The following JAKMIP1 variants were observed in gnomAD, a reference collection of about 807,000 sequenced individuals.
JAKMIP1 encodes the protein janus kinase and microtubule interacting protein 1, also known as janus kinase and microtubule-interacting protein 1.
In JAKMIP1, 33 loss-of-function variants were observed where a neutral mutation model predicts 113.0. That is an observed-to-expected ratio of 0.29 (90% confidence interval 0.22 to 0.39). JAKMIP1 has a LOEUF of 0.39. Ranked by LOEUF, JAKMIP1 falls within the 10% of genes least tolerant of loss-of-function variation. The pLI, the probability that JAKMIP1 is intolerant of heterozygous loss-of-function variation, is 1.00. For synonymous variants in JAKMIP1, 480 were observed against 459.9 expected (o/e 1.04, Z -0.56); for missense variants, 813 against 1,080.5 (o/e 0.75, Z 3.47).
rs142875282 is a variant in JAKMIP1 at position 6,029,323 on chromosome 4, C to T, written c.2445+393G>A. ...AGGAACATGCGACTGGTCTGGGGCT[C>T]ATAGAAGGTATTTAAAAAGTGAATG... is the stretch of plus-strand genomic sequence containing the variant. On this transcript the variant is annotated intron_variant, in intron 20 of 20. Coordinates refer to ENST00000409021, the MANE Select transcript of JAKMIP1 (RefSeq NM_001099433.2). 2.1e-3 allele frequency among the ~76,000 whole-genome samples: 316 copies of T among 152,312 alleles called. 4 individuals are homozygous for T. Among genetic ancestry groups the T allele is most frequent in the East Asian group, 0.014 (74 of 5,186 alleles).
Position 6,036,548 on chromosome 4 carries a change from C to T in JAKMIP1, c.2176-441G>A, listed in dbSNP as rs1401136722. ...TTTGCACACATTTGGTTTTCAGCTG[C>T]CTTAAGAATGCAACTCTAGCCCAAA... is the stretch of plus-strand genomic sequence containing the variant. On this transcript the variant is annotated intron_variant, in intron 18 of 20. Coordinates refer to ENST00000409021, the MANE Select transcript of JAKMIP1 (RefSeq NM_001099433.2). 2.6e-5 allele frequency among the ~76,000 whole-genome samples: 4 copies of T among 152,182 alleles called. No homozygotes were observed. The East Asian group carries it at 5.8e-4, about 22-fold the overall frequency.
rs190945249 is a variant in JAKMIP1, at chr4:6,084,417, G to A, written c.954+429C>T. Among the ~76,000 whole-genome samples, 464 of 151,812 alleles carry A rather than the reference G, an allele frequency of 3.1e-3. 2 individuals are homozygous for A. The highest frequency in any genetic ancestry group is 9.2e-3 in the African/African-American group (379 of 41,360). ...TTTTCATTTAATTTACTATGAACAC[G>A]TTTCCATTTCAATTAAAGAGGGTCT... On this transcript the variant is annotated intron_variant, in intron 5 of 20. Transcript: ENST00000409021.
At chr4:6,107,555 C>T (rs763089782) in intron 2 of JAKMIP1, among the ~76,000 whole-genome samples, 7 of 152,130 alleles carry the variant, frequency 4.6e-5, no homozygotes, top group East Asian at 1.9e-4. Flanking sequence ...TCCAATCAGT[C>T]GAAGGCTTTA....
At chr4:6,036,610 C>A (rs763090109) in intron 18 of JAKMIP1, among the ~76,000 whole-genome samples, 1 of 151,692 alleles carries the variant, frequency 6.6e-6, no homozygotes, top group Non-Finnish European at 1.5e-5. Flanking sequence ...CCCTAACCCC[C>A]AACAAAAGCA....
chr4:6,130,603 C>T (rs11729873), intron 1 of JAKMIP1, among the ~76,000 whole-genome samples: 580 of 152,084 alleles, frequency 3.8e-3, no homozygotes, highest in Middle Eastern at 0.01. Context: ...AAGAGAACTA[C>T]GATTAATATG....
In JAKMIP1 at chr4:6,178,283, T is replaced by C. The variant is rs114325223; in HGVS notation, c.-148+21970A>G. On this transcript the variant is annotated intron_variant, in intron 1 of 20. Transcript: ENST00000409021. The surrounding 1 kb of genome is among the most constrained non-coding windows in gnomAD (Gnocchi z 5.5). ...GCTTTTCCTTTGTTACCCTACGATATGGTTTGGCTGTGTCCCCACCCAAAT... is the reference window on the plus strand; with the variant it reads ...GCTTTTCCTTTGTTACCCTACGATACGGTTTGGCTGTGTCCCCACCCAAAT... Among the ~76,000 whole-genome samples, 162 of 152,344 alleles carry C rather than the reference T, an allele frequency of 1.1e-3. 1 individual carries two copies. Among genetic ancestry groups the C allele is most frequent in the African/African-American group, 3.8e-3 (156 of 41,576 alleles).
rs142432046 is a variant in JAKMIP1 at position 6,145,115 on chromosome 4, A to T, written c.-147-32118T>A. ...AACGTGAAAATGAAATAAGAAAACA[A>T]CCGGATATAGTCTAGAGGATGCAAG... On this transcript the variant is annotated intron_variant, in intron 1 of 20. Coordinates refer to ENST00000409021, the MANE Select transcript of JAKMIP1 (RefSeq NM_001099433.2). Among the ~76,000 whole-genome samples, 23 of 152,260 alleles carry T rather than the reference A, an allele frequency of 1.5e-4. No individual in the cohort carries two copies. The East Asian group carries it at 4.4e-3, about 29-fold the overall frequency.
intron 1 of JAKMIP1, among the ~76,000 whole-genome samples, chr4:6,131,386 A>T (rs922754097): frequency 6.6e-6 from 1 of 151,500 alleles, no homozygotes; most frequent in African/African-American, 2.4e-5. Context: ...AAAAAACAAA[A>T]CCCTACACTT....
At position 6,097,307 on chromosome 4, in the gene JAKMIP1, A is replaced by G. The variant is rs952401815; in HGVS notation, c.624+8166T>C. ...CCATCTCGCCCCGTTCTGACTCTGA[A>G]TTTATATGCTACCAATAAGTAATCA... On this transcript the variant is annotated intron_variant, in intron 3 of 20. Coordinates refer to ENST00000409021, the MANE Select transcript of JAKMIP1 (RefSeq NM_001099433.2). The surrounding 1 kb of genome is among the most constrained non-coding windows in gnomAD (Gnocchi z 4.3). Among the ~76,000 whole-genome samples, 6 of 152,174 alleles carry G rather than the reference A, an allele frequency of 3.9e-5. No individual in the cohort carries two copies. Among genetic ancestry groups the G allele is most frequent in the African/African-American group, 1.4e-4 (6 of 41,424 alleles).
chr4:6,100,730 C>A (rs953268541), intron 3 of JAKMIP1, among the ~76,000 whole-genome samples: 2 of 152,024 alleles, frequency 1.3e-5, no homozygotes, highest in Non-Finnish European at 2.9e-5. Context: ...TGCTAGTCAA[C>A]ATTTACTATT....
chr4:6,086,109 G>A lies in JAKMIP1; in HGVS notation c.625-480C>T, dbSNP rs1049986849. ...GGTCACCAGTGCTCTCCTGGCCACC[G>A]AACCCACCGGACAACGTTGTCCTCC... is the stretch of plus-strand genomic sequence containing the variant. On this transcript the variant is annotated intron_variant, in intron 3 of 20. Coordinates refer to ENST00000409021, the MANE Select transcript of JAKMIP1 (RefSeq NM_001099433.2). This position sits in a 1 kb window ranked among gnomAD's most constrained non-coding sequence, Gnocchi z 4.1. 2.6e-5 allele frequency among the ~76,000 whole-genome samples: 4 copies of A among 151,854 alleles called. No individual in the cohort carries two copies. The highest frequency in any genetic ancestry group is 2.1e-4 in the South Asian group (1 of 4,772).
chr4:6,153,445 G>A lies in JAKMIP1; in HGVS notation c.-147-40448C>T, dbSNP rs899446998. 6.6e-6 allele frequency among the ~76,000 whole-genome samples: 1 copy of A among 152,204 alleles called. No homozygotes were observed. The highest frequency in any genetic ancestry group is 1.9e-4 in the East Asian group (1 of 5,196). ...GCTTCAATTTCATGTTTTGAAAAATGAGCACTGGAGCCAACGGTGTTTCCC... is the reference window on the plus strand; with the variant it reads ...GCTTCAATTTCATGTTTTGAAAAATAAGCACTGGAGCCAACGGTGTTTCCC... On this transcript the variant is annotated intron_variant, in intron 1 of 20. Transcript: ENST00000409021. The surrounding 1 kb of genome is among the most constrained non-coding windows in gnomAD (Gnocchi z 4.9).
At position 6,156,835 on chromosome 4, in the gene JAKMIP1, T is replaced by C. The variant is rs74911300; in HGVS notation, c.-148+43418A>G. 5.6e-4 allele frequency among the ~76,000 whole-genome samples: 85 copies of C among 152,344 alleles called. No homozygotes were observed. The East Asian group carries it at 0.015, about 27-fold the overall frequency. ...CTGGCACATGGACATGGTCTGCCCA[T>C]GATAGGTGTTGGTCACGTTACAATT... On this transcript the variant is annotated intron_variant, in intron 1 of 20. Transcript: ENST00000409021. The surrounding 1 kb of genome is among the most constrained non-coding windows in gnomAD (Gnocchi z 5.0).
Position 6,116,601 on chromosome 4 carries a change from T to C in JAKMIP1, c.-147-3604A>G, listed in dbSNP as rs143284865. 6.2e-4 allele frequency among the ~76,000 whole-genome samples: 94 copies of C among 150,614 alleles called. 2 individuals are homozygous for C. In the South Asian group the frequency reaches 0.013, roughly 21 times the overall value. On this transcript the variant is annotated intron_variant, in intron 1 of 20. Transcript: ENST00000409021. This position sits in a 1 kb window ranked among gnomAD's most constrained non-coding sequence, Gnocchi z 5.1. ...TCCTGTTGGCCCCAGAACTGAAATA[T>C]CTCTGCAGCCCACCCATCTCTGACA...
Position 6,080,299 on chromosome 4 carries a change from G to A in JAKMIP1, c.1115C>T (p.Ser372Leu). The change falls in exon 7 of 21, where the codon TCA (serine) becomes TTA (leucine). Residue 372 changes from serine to leucine, a missense_variant. Around this residue, in one of 2 missense-constraint regions of JAKMIP1, gnomAD observed 540 missense variants for 653.9 expected, o/e 0.83. Coordinates refer to ENST00000409021, the MANE Select transcript of JAKMIP1 (RefSeq NM_001099433.2). This position sits in a 1 kb window ranked among gnomAD's most constrained non-coding sequence, Gnocchi z 6.0. ...RENVEMKEKL[S>L]AQASLKRHTS... is the part of the protein sequence containing the mutation. ...ATGCCGCTTCAGAGACGCCTGCGCTGACAGCTTTTCTTTCTGCAGCCACAG... is the reference window on the plus strand; with the variant it reads ...ATGCCGCTTCAGAGACGCCTGCGCTAACAGCTTTTCTTTCTGCAGCCACAG... 1 of 1,613,940 alleles carries A rather than the reference G, an allele frequency of 6.2e-7. No individual in the cohort carries two copies. The highest frequency in any genetic ancestry group is 8.5e-7 in the Non-Finnish European group (1 of 1,179,886).
At position 6,168,263 on chromosome 4, in the gene JAKMIP1, T is replaced by C. The variant is rs1723906960; in HGVS notation, c.-148+31990A>G. 6.6e-6 allele frequency among the ~76,000 whole-genome samples: 1 copy of C among 152,240 alleles called. No individual in the cohort carries two copies. The highest frequency in any genetic ancestry group is 2.4e-5 in the African/African-American group (1 of 41,472). Reference sequence around the variant, plus strand: ...TAAAATGTGAAACGCAGAATCACCCTGTGACCTCGCAGTTCTACTCCTAAA... The same window carrying C: ...TAAAATGTGAAACGCAGAATCACCCCGTGACCTCGCAGTTCTACTCCTAAA... On this transcript the variant is annotated intron_variant, in intron 1 of 20. Transcript: ENST00000409021. This position sits in a 1 kb window ranked among gnomAD's most constrained non-coding sequence, Gnocchi z 4.6.
At position 6,062,363 on chromosome 4, in the gene JAKMIP1, G is replaced by A. The variant is rs756051682; in HGVS notation, c.1509C>T (p.Ala503=). The A allele has an allele frequency of 6.2e-7, 1 of 1,613,626 alleles. No homozygotes were observed. Among genetic ancestry groups the A allele is most frequent in the Non-Finnish European group, 8.5e-7 (1 of 1,179,998 alleles). ...REYQALQRAY[A]LLQEQVGGTL... is the part of the protein sequence containing the mutation. Reference sequence around the variant, plus strand: ...TGCCTCCCACCTGCTCCTGGAGCAGGGCGTAGGCGCGTTGCAGGGCCTGGT... The same window carrying A: ...TGCCTCCCACCTGCTCCTGGAGCAGAGCGTAGGCGCGTTGCAGGGCCTGGT... Residue 503 remains alanine, a synonymous_variant, in exon 10 of 21, where the codon GCC becomes GCT. Transcript: ENST00000409021.
chr4:6,152,224 C>A lies in JAKMIP1; in HGVS notation c.-147-39227G>T, dbSNP rs956021769. On this transcript the variant is annotated intron_variant, in intron 1 of 20. Coordinates refer to ENST00000409021, the MANE Select transcript of JAKMIP1 (RefSeq NM_001099433.2). ...AATAAAACTATCTAACCAGCAAACG[C>A]TGCTCTAAATGGGAGTAAAAAGGTG... 3.9e-5 allele frequency among the ~76,000 whole-genome samples: 6 copies of A among 152,314 alleles called. No individual in the cohort carries two copies. The East Asian group carries it at 9.7e-4, about 25-fold the overall frequency.
At chr4:6,052,220 TA>T (rs11341023) in intron 13 of JAKMIP1, among the ~76,000 whole-genome samples, 44,201 of 147,876 alleles carry the variant, frequency 0.3, 10,900 homozygotes, top group African/African-American at 0.68. Context: ...AAAAATAAAA[TA>T]AAAAAAAAAC....
Sources: gnomAD v4.1 joint callset for allele counts (sites outside exome capture counted in the v4.1 genomes callset) on GRCh38, gnomAD v4.1.1 for gene constraint, gnomAD v4.1.1 regional missense constraint, Gnocchi (gnomAD v3.1) non-coding constraint, MANE v1.5 for transcripts, NCBI Gene and HGNC (gene_info 2026-07-23, HGNC 2026-07-21) for gene names.